The following MDN1 variants were observed in gnomAD, a reference collection of about 807,000 sequenced individuals.
MDN1 encodes midasin.
Under a neutral mutation model 669.2 loss-of-function variants are expected in MDN1, and 266 were observed. The ratio of observed to expected loss-of-function variants is 0.40; its 90% CI spans 0.36 to 0.44. MDN1 has a LOEUF of 0.44. Among genes scored for constraint, MDN1 ranks in the 20% least tolerant of loss-of-function variants. The pLI is 1.00. For synonymous variants in MDN1, 2,385 were observed against 2,457.1 expected (o/e 0.97, Z 0.87); for missense variants, 5,940 against 6,754.0 (o/e 0.88, Z 4.22).
intron 2 of MDN1, among the ~76,000 whole-genome samples, chr6:89,800,458 A>G (rs1382377313): frequency 6.6e-6 from 1 of 151,924 alleles, no homozygotes; most frequent in Non-Finnish European, 1.5e-5. Flanking sequence ...ACAAAAATAA[A>G]TGGGGTTCTG....
chr6:89,649,918 A>G (rs1808733269), intron 97 of MDN1, 106 bp downstream of exon 97: 1 of 1,159,172 alleles, frequency 8.6e-7, no homozygotes, highest in South Asian at 1.3e-5. Context: ...TAGCCATATC[A>G]TATTTAAAGC....
In MDN1 at chr6:89,725,345, G is replaced by A. The variant is rs1263368827; in HGVS notation, c.5524C>T (p.His1842Tyr). ...TCAGGCACATAGATTTCTCCTCGGT[G>A]GTCAAAACAAGCATTGAGTCCTTCC... Reference protein sequence around the residue: ...VLEGLNACFDHRGEIYVPELG... With the variant: ...VLEGLNACFDYRGEIYVPELG... Residue 1842 changes from histidine to tyrosine, a missense_variant, in exon 38 of 102, where the codon CAC becomes TAC. Around this residue, in one of 5 missense-constraint regions of MDN1, gnomAD observed 2,292 missense variants for 2,638.3 expected, o/e 0.87. Transcript: ENST00000369393. 6.2e-7 allele frequency: 1 copy of A among 1,613,900 alleles called. No individual in the cohort carries two copies. Among genetic ancestry groups the A allele is most frequent in the Admixed American group, 1.7e-5 (1 of 60,004 alleles).
At chr6:89,785,336 T>C (rs569078520) in intron 8 of MDN1, among the ~76,000 whole-genome samples, 25 of 152,332 alleles carry the variant, frequency 1.6e-4, no homozygotes, top group Non-Finnish European at 3.4e-4. Flanking sequence ...TCCTAAGTAG[T>C]AGTGATAGTG....
chr6:89,700,009 G>A, intron 57 of MDN1, 54 bp downstream of exon 57: 3 of 1,500,290 alleles, frequency 2.0e-6, no homozygotes, highest in Non-Finnish European at 2.8e-6. Flanking sequence ...AGGATACACA[G>A]AATAATCAAG....
In MDN1 at chr6:89,695,328, G is replaced by A. The variant is rs370395603; in HGVS notation, c.9771+277C>T. The stretch of plus-strand genomic sequence containing the variant: ...AGAGGTACCACTATTTCTGACAATG[G>A]CTCAGGTTTTCTACCTGCCCTCTGC... On this transcript the variant is annotated intron_variant, in intron 61 of 101. Coordinates refer to ENST00000369393, the MANE Select transcript of MDN1 (RefSeq NM_014611.3). The surrounding 1 kb of genome is among the most constrained non-coding windows in gnomAD (Gnocchi z 4.1). Among the ~76,000 whole-genome samples the A allele has an allele frequency of 6.6e-5, 10 of 152,290 alleles. No homozygotes were observed. The highest frequency in any genetic ancestry group is 2.4e-4 in the African/African-American group (10 of 41,556).
In MDN1 at chr6:89,690,032, G is replaced by C. The variant is rs778110240; in HGVS notation, c.10861C>G (p.Gln3621Glu). The C allele has an allele frequency of 6.2e-7, 1 of 1,614,204 alleles. No homozygotes were observed. The highest frequency in any genetic ancestry group is 1.1e-5 in the South Asian group (1 of 91,088). ...NPALLSQNSM[Q>E]AVMLIHQQLC... ...TGCTGGTGTATCAGCATTACTGCCT[G>C]CATTGAATTCTGGGAGAGGAGAGCT... Residue 3621 changes from glutamine (Q) to glutamate (E), a missense_variant, in exon 65 of 102, where the codon CAG becomes GAG. By Grantham distance (29) the Gln-to-Glu change is conservative. Coordinates refer to ENST00000369393, the MANE Select transcript of MDN1 (RefSeq NM_014611.3).
intron 23 of MDN1, among the ~76,000 whole-genome samples, chr6:89,751,154 T>G (rs1327388330): frequency 1.3e-5 from 2 of 152,160 alleles, no homozygotes; most frequent in Non-Finnish European, 2.9e-5. Flanking sequence ...TTTTAGCCAT[T>G]TACTGAATAA....
chr6:89,794,059 AG>A (rs982853457), intron 4 of MDN1, 40 bp downstream of exon 4: 41 of 1,444,280 alleles, frequency 2.8e-5, no homozygotes, highest in Non-Finnish European at 3.7e-5. Context: ...AAAAAAAAAA[AG>A]AAATGCTATA....
intron 33 of MDN1, among the ~76,000 whole-genome samples, chr6:89,736,689 G>T (rs1815994328): frequency 6.6e-6 from 1 of 152,136 alleles, no homozygotes; most frequent in African/African-American, 2.4e-5. Flanking sequence ...AAGTATTTGG[G>T]AGACTGAGAC....
intron 15 of MDN1, among the ~76,000 whole-genome samples, chr6:89,769,057 GA>G (rs1008047095): frequency 1.7e-4 from 24 of 137,786 alleles, no homozygotes; most frequent in South Asian, 1.1e-3. Context: ...CTATCTTAAA[GA>G]AAAAAAAAAA....
At chr6:89,743,536 A>G in intron 30 of MDN1, 40 bp downstream of exon 30, 1 of 1,539,610 alleles carries the variant, frequency 6.5e-7, no homozygotes, top group Non-Finnish European at 8.9e-7. Context: ...AGCTAACTGC[A>G]GTTTTTTAAA....
rs765830778 is a variant in MDN1 at position 89,750,426 on chromosome 6, C to G, written c.3334G>C (p.Glu1112Gln). ...GNHCVRINNHEHTDIQEYIGC... is the reference protein window; with the variant it reads ...GNHCVRINNHQHTDIQEYIGC... ...ATGTACTCCTGAATATCCGTGTGTTCGTGATTATTAATACGCACACAGTGG... is the reference window on the plus strand; with the variant it reads ...ATGTACTCCTGAATATCCGTGTGTTGGTGATTATTAATACGCACACAGTGG... The change falls in exon 24 of 102, where the codon GAA (glutamate) becomes CAA (glutamine). Residue 1112 changes from glutamate (E) to glutamine (Q), a missense_variant. Coordinates refer to ENST00000369393, the MANE Select transcript of MDN1 (RefSeq NM_014611.3). 1.2e-6 allele frequency: 2 copies of G among 1,613,994 alleles called. No individual in the cohort carries two copies. The highest frequency in any genetic ancestry group is 1.7e-6 in the Non-Finnish European group (2 of 1,179,928).
At chr6:89,751,120 TTTGTAAGAA>T (rs1816919268) in intron 23 of MDN1, among the ~76,000 whole-genome samples, 1 of 152,150 alleles carries the variant, frequency 6.6e-6, no homozygotes, top group South Asian at 2.1e-4. Flanking sequence ...GCTGGCAACA[TTTGTAAGAA>T]ACTGTAAGTA....
Position 89,762,414 on chromosome 6 carries a change from G to T in MDN1, c.2261C>A (p.Thr754Asn). Residue 754 changes from threonine (T) to asparagine (N), a missense_variant, in exon 16 of 102, where the codon ACC becomes AAC. By Grantham distance (65) the Thr-to-Asn change is moderately conservative (BLOSUM62 0). This residue lies in a region of MDN1 where 1,203 missense variants were observed against 1,268.9 expected (regional missense o/e 0.95). Transcript: ENST00000369393. ...ATGCCACCGTTTCTGTCTGTAACAG[G>T]TCTGAATGTGCCCCAAGAACGTAAA... ...QNFTFLGHIQ[T>N]CYRQKRWHDL... The T allele has an allele frequency of 1.2e-6, 2 of 1,614,128 alleles. No homozygotes were observed. The highest frequency in any genetic ancestry group is 1.7e-6 in the Non-Finnish European group (2 of 1,179,990).
chr6:89,752,334 G>A (rs1412814380), intron 22 of MDN1, among the ~76,000 whole-genome samples: 1 of 152,064 alleles, frequency 6.6e-6, no homozygotes, highest in Non-Finnish European at 1.5e-5. Flanking sequence ...GGAAGAGACT[G>A]GTATTTGATT....
At position 89,757,768 on chromosome 6, in the gene MDN1, G is replaced by A. The variant is rs555433862; in HGVS notation, c.2702+487C>T. Among the ~76,000 whole-genome samples the A allele has an allele frequency of 5.9e-5, 9 of 152,140 alleles. No individual in the cohort carries two copies. In the East Asian group the frequency reaches 1.4e-3, roughly 23 times the overall value. ...GCTAAAAATACAAAAACTTGAGGCC[G>A]GGCGCACTGGCTCACACCTGTAATC... On this transcript the variant is annotated intron_variant, in intron 19 of 101. Transcript: ENST00000369393.
intron 6 of MDN1, 90 bp downstream of exon 6, chr6:89,790,068 AC>A: frequency 6.3e-7 from 1 of 1,597,380 alleles, no homozygotes; most frequent in Non-Finnish European, 8.5e-7. Context: ...AAGACCAATA[AC>A]TATTGTTATA....
Position 89,723,502 on chromosome 6 carries a change from A to T in MDN1, c.5778+10T>A. On this transcript the variant is annotated intron_variant, in intron 39 of 101. Transcript: ENST00000369393. ...GAAAAAAAAAGAAACCAATACGTGT[A>T]GGTACTTACTTGGTTATTGAAAGCA... The T allele has an allele frequency of 6.9e-7, 1 of 1,451,350 alleles. No individual in the cohort carries two copies. The highest frequency in any genetic ancestry group is 9.6e-7 in the Non-Finnish European group (1 of 1,046,450). The allele number at this position is 1,451,350 out of a possible 1,614,324, so 89.9% of individuals were successfully genotyped here.
Position 89,654,344 on chromosome 6 carries a change from A to C in MDN1, c.15491-10T>G. 2 of 1,614,068 alleles carry C rather than the reference A, an allele frequency of 1.2e-6. No homozygotes were observed. The highest frequency in any genetic ancestry group is 1.7e-5 in the Admixed American group (1 of 60,016). ...TCTTTGCTGGCCACATCTGTCAACA[A>C]AGCACGCACCCACACATAAAAATCC... is the stretch of plus-strand genomic sequence containing the variant. On this transcript the variant is annotated splice_polypyrimidine_tract_variant and intron_variant, in intron 92 of 101. Transcript: ENST00000369393.
Sources: gnomAD v4.1 joint callset for allele counts (sites outside exome capture counted in the v4.1 genomes callset) on GRCh38, gnomAD v4.1.1 for gene constraint, gnomAD v4.1.1 regional missense constraint, Gnocchi (gnomAD v3.1) non-coding constraint, MANE v1.5 for transcripts, NCBI Gene and HGNC (gene_info 2026-07-23, HGNC 2026-07-21) for gene names.